The following SOX6 variants were observed in gnomAD, a reference collection of about 807,000 sequenced individuals.
SOX6 encodes transcription factor SOX-6.
A neutral mutation model predicts 97.8 loss-of-function variants in SOX6; 11 were observed. The ratio of observed to expected loss-of-function variants is 0.11; its 90% CI spans 0.07 to 0.19. The LOEUF is 0.19. Among genes scored for constraint, SOX6 ranks in the 10% least tolerant of loss-of-function variants. The pLI, the probability that SOX6 is intolerant of heterozygous loss-of-function variation, is 1.00. For missense variants in SOX6, 810 were observed against 1,039.5 expected, an observed-to-expected ratio of 0.78 and a Z score of 3.04; for synonymous variants, 360 against 371.4, an observed-to-expected ratio of 0.97 and a Z score of 0.35.
rs966490755 is a variant in SOX6 at position 16,455,501 on chromosome 11, C to T, written c.-5+20814G>A. The stretch of plus-strand genomic sequence containing the variant: ...TGACAGCAAAGTGGTCATATCAACC[C>T]GAAAGGGGCTGGGCTAGAGAAAGCT... On this transcript the variant is annotated intron_variant, in intron 1 of 15. Transcript: ENST00000396356. Among the ~76,000 whole-genome samples the T allele has an allele frequency of 2.0e-5, 3 of 152,120 alleles. No homozygotes were observed. The South Asian group carries it at 6.2e-4, about 32-fold the overall frequency.
intron 2 of SOX6, among the ~76,000 whole-genome samples, chr11:16,721,666 G>A (rs1410263576): frequency 7.0e-6 from 1 of 142,222 alleles, no homozygotes; most frequent in East Asian, 2.1e-4. Context: ...GCCGTGTGAA[G>A]ACTTGACTGC....
intron 4 of SOX6, among the ~76,000 whole-genome samples, chr11:16,216,554 TAC>T (rs1274037981): frequency 6.6e-6 from 1 of 151,858 alleles, no homozygotes; most frequent in Non-Finnish European, 1.5e-5. Flanking sequence ...TGAAATATAA[TAC>T]AGAGAGTCTC....
At chr11:16,349,711 AGGAAGAAGGAAGGAAGGAAG>A (rs1348310866) in intron 1 of SOX6, among the ~76,000 whole-genome samples, 26 of 39,514 alleles carry the variant, frequency 6.6e-4, no homozygotes, top group African/African-American at 1.6e-3. Context: ...GAAGGAAGGA[AGGAAGAAGGAAGGAAGGAAG>A]GAAGGAAGGA....
intron 4 of SOX6, among the ~76,000 whole-genome samples, chr11:16,569,682 C>A (rs1417969483): frequency 6.6e-6 from 1 of 151,840 alleles, no homozygotes; most frequent in East Asian, 1.9e-4. Flanking sequence ...TCCTGGCTAA[C>A]ATGGTGAAAC....
rs1195771323 is a variant in SOX6 at position 15,971,905 on chromosome 11, G to A, written c.*904C>T. On this transcript the variant is annotated 3_prime_UTR_variant, in exon 16 of 16. Transcript: ENST00000683767. ...AAATGTGTTAAGACTGAATGTCAGG[G>A]TTAAAGGCAAAGGGATAATGGATGT... The A allele has an allele frequency of 1.3e-5, 2 of 152,618 alleles. No individual in the cohort carries two copies. The highest frequency in any genetic ancestry group is 2.9e-5 in the Non-Finnish European group (2 of 68,038). 9.5% of individuals were successfully genotyped at this position (152,618 alleles called of 1,614,324 possible).
intron 3 of SOX6, among the ~76,000 whole-genome samples, chr11:16,635,739 C>T (rs1590024809): frequency 6.6e-6 from 1 of 152,128 alleles, no homozygotes; most frequent in South Asian, 2.1e-4. Context: ...GGTCCAGGGC[C>T]CCCCTCTTGT....
At chr11:16,261,771 C>T (rs1389297028) in intron 3 of SOX6, among the ~76,000 whole-genome samples, 2 of 151,962 alleles carry the variant, frequency 1.3e-5, no homozygotes, top group African/African-American at 2.4e-5. Flanking sequence ...ATTTTGAAAA[C>T]TTCTATCACA....
intron 3 of SOX6, among the ~76,000 whole-genome samples, chr11:16,658,741 G>C (rs551991110): frequency 2.6e-5 from 4 of 151,928 alleles, no homozygotes; most frequent in South Asian, 4.2e-4. Flanking sequence ...AGTTTGGCTT[G>C]ACTTTCATTT....
chr11:16,349,124 T>C (rs375887222), intron 1 of SOX6, among the ~76,000 whole-genome samples: 4 of 152,234 alleles, frequency 2.6e-5, no homozygotes, highest in East Asian at 1.9e-4. Context: ...ATGAATATAA[T>C]TAATATAGAT....
At chr11:16,201,636 C>CTT (rs1314415957) in intron 4 of SOX6, among the ~76,000 whole-genome samples, 41 of 104,672 alleles carry the variant, frequency 3.9e-4, no homozygotes, top group Non-Finnish European at 5.4e-4. Flanking sequence ...TTTTTTTTTT[C>CTT]TTTTTTTTTT....
intron 4 of SOX6, among the ~76,000 whole-genome samples, chr11:16,604,555 A>T (rs1463229390): frequency 6.6e-6 from 1 of 152,102 alleles, no homozygotes; most frequent in African/African-American, 2.4e-5. Context: ...CGCGGACGTC[A>T]TCCGAGCGCC....
intron 4 of SOX6, among the ~76,000 whole-genome samples, chr11:16,221,616 C>A (rs1481037247): frequency 6.6e-6 from 1 of 152,052 alleles, no homozygotes; most frequent in Non-Finnish European, 1.5e-5. Context: ...TGAGGCTTGT[C>A]ACTTCAAGAA....
upstream of SOX6, chr11:16,476,507 C>T (rs1229138752): frequency 6.6e-6 from 1 of 152,086 alleles, no homozygotes; most frequent in African/African-American, 2.4e-5. Context: ...GCAGTTGTCC[C>T]CATCTACTTT....
chr11:16,013,359 C>T (rs915615786), intron 13 of SOX6, among the ~76,000 whole-genome samples: 5 of 152,140 alleles, frequency 3.3e-5, no homozygotes, highest in African/African-American at 7.2e-5. Context: ...CACTTCCACA[C>T]AGGCTTTTAG....
chr11:16,316,970 G>A (rs1855773389), intron 3 of SOX6: 1 of 151,844 alleles, frequency 6.6e-6, no homozygotes, highest in South Asian at 2.1e-4. Flanking sequence ...AGAATTTCCT[G>A]ATTATCTAAT....
At chr11:16,701,717 G>T (rs1394025843) in intron 3 of SOX6, among the ~76,000 whole-genome samples, 2 of 149,750 alleles carry the variant, frequency 1.3e-5, no homozygotes, top group African/African-American at 2.5e-5. Context: ...TTAGCCAGGC[G>T]TGGTGGCCGG....
At chr11:16,554,169 T>C (rs1322350551) in intron 4 of SOX6, among the ~76,000 whole-genome samples, 2 of 152,098 alleles carry the variant, frequency 1.3e-5, no homozygotes, top group Non-Finnish European at 2.9e-5. Context: ...CCAACAAAAA[T>C]GAGCAGAAGG....
At chr11:15,995,480 T>C (rs1475910365) in intron 13 of SOX6, among the ~76,000 whole-genome samples, 2 of 152,082 alleles carry the variant, frequency 1.3e-5, no homozygotes, top group Admixed American at 1.3e-4. Context: ...GTATCTACAA[T>C]GGATAATCCA....
At chr11:16,244,833 C>T (rs542331439) in intron 3 of SOX6, among the ~76,000 whole-genome samples, 14 of 151,656 alleles carry the variant, frequency 9.2e-5, no homozygotes, top group African/African-American at 3.4e-4. Context: ...TCATTATCCT[C>T]ACTATAATAC....
Sources: allele counts gnomAD v4.1 joint callset (sites outside exome capture counted in the v4.1 genomes callset), GRCh38; gene constraint gnomAD v4.1.1; transcripts MANE v1.5; gene names NCBI Gene and HGNC (gene_info 2026-07-23, HGNC 2026-07-21).